KLHL1: variants seen among roughly 807,000 people sequenced by gnomAD.
KLHL1 encodes the protein kelch like family member 1, also known as kelch-like protein 1.
A neutral mutation model predicts 77.7 loss-of-function variants in KLHL1; 47 were observed. That is an observed-to-expected ratio of 0.60 (90% CI 0.48 to 0.77). The LOEUF is 0.77. Ranked by LOEUF, KLHL1 falls within the 30% of genes least tolerant of loss-of-function variation. KLHL1 has a pLI of 0.00. For synonymous variants in KLHL1, 360 were observed against 325.2 expected, an observed-to-expected ratio of 1.11 and a Z score of -1.15; for missense variants, 925 against 910.8, an observed-to-expected ratio of 1.02 and a Z score of -0.20.
At chr13:69,789,932 G>T (rs1323783917) in intron 7 of KLHL1, among the ~76,000 whole-genome samples, 1 of 152,050 alleles carries the variant, frequency 6.6e-6, no homozygotes, top group Non-Finnish European at 1.5e-5. Context: ...TCTAGAGTAG[G>T]TAGAGGCAGA....
At chr13:69,827,623 G>A (rs1258604765) in intron 6 of KLHL1, among the ~76,000 whole-genome samples, 5 of 151,602 alleles carry the variant, frequency 3.3e-5, no homozygotes, top group East Asian at 2.0e-4. Context: ...CCAGCTACTC[G>A]GGAGGCTGAG....
chr13:69,796,451 C>T (rs1332957089), intron 7 of KLHL1, among the ~76,000 whole-genome samples: 1 of 152,098 alleles, frequency 6.6e-6, no homozygotes, highest in Non-Finnish European at 1.5e-5. Flanking sequence ...GAGCCTGACA[C>T]CTGCTCCTGT....
intron 7 of KLHL1, among the ~76,000 whole-genome samples, chr13:69,793,281 T>A (rs980492485): frequency 2.7e-4 from 41 of 152,054 alleles, no homozygotes; most frequent in African/African-American, 9.9e-4. Flanking sequence ...AGTGATAAAA[T>A]AAAAATTTGT....
chr13:69,701,875 T>C, intron 10 of KLHL1, 114 bp from the exon 11 acceptor site: 1 of 763,008 alleles, frequency 1.3e-6, no homozygotes, highest in Non-Finnish European at 2.0e-6. Flanking sequence ...TGTTTTCCCA[T>C]TTTAGCCAGA....
At chr13:69,922,005 T>C (rs1183978795) in intron 4 of KLHL1, among the ~76,000 whole-genome samples, 2 of 151,230 alleles carry the variant, frequency 1.3e-5, no homozygotes, top group Admixed American at 1.3e-4. Context: ...CATACCTCAC[T>C]GTAGCCTTGA....
chr13:69,941,200 C>T lies in KLHL1; in HGVS notation c.818-964G>A, dbSNP rs2482571. ...CACAGGGAACATTCTCCAAGATAGA[C>T]CAGGAACAAGTCTCAATCAATTTAA... is the stretch of plus-strand genomic sequence containing the variant. On this transcript the variant is annotated intron_variant, in intron 3 of 10. Transcript: ENST00000377844. Among the ~76,000 whole-genome samples the T allele has an allele frequency of 6.5e-3, 993 of 152,008 alleles. 15 individuals carry two copies. Among genetic ancestry groups the T allele is most frequent in the African/African-American group, 0.023 (947 of 41,482 alleles).
chr13:70,015,764 T>A (rs1007951014), intron 1 of KLHL1, among the ~76,000 whole-genome samples: 1 of 152,214 alleles, frequency 6.6e-6, no homozygotes, highest in Admixed American at 6.5e-5. Flanking sequence ...TTTCAACTTA[T>A]GATATTTCAA....
At chr13:70,094,967 C>T (rs185079269) in intron 1 of KLHL1, among the ~76,000 whole-genome samples, 24 of 152,242 alleles carry the variant, frequency 1.6e-4, no homozygotes, top group African/African-American at 5.1e-4. Context: ...ATCTTCTATA[C>T]CCAGTCCCCA....
At chr13:69,733,056 A>C (rs1217885513) in intron 8 of KLHL1, among the ~76,000 whole-genome samples, 1 of 152,102 alleles carries the variant, frequency 6.6e-6, no homozygotes, top group African/African-American at 2.4e-5. Context: ...TTAACTAGTA[A>C]GTTTTTTTAC....
intron 6 of KLHL1, among the ~76,000 whole-genome samples, chr13:69,816,621 C>T (rs867208160): frequency 6.6e-6 from 1 of 151,992 alleles, no homozygotes; most frequent in South Asian, 2.1e-4. Flanking sequence ...TATTTCTTAG[C>T]GCTATAATTA....
intron 5 of KLHL1, among the ~76,000 whole-genome samples, chr13:69,862,541 G>A (rs1880213472): frequency 6.6e-6 from 1 of 152,104 alleles, no homozygotes; most frequent in Non-Finnish European, 1.5e-5. Context: ...TAAAGTAAGT[G>A]TAAGGCAAAT....
intron 1 of KLHL1, among the ~76,000 whole-genome samples, chr13:70,090,107 G>A (rs575905471): frequency 6.6e-6 from 1 of 152,138 alleles, no homozygotes; most frequent in Non-Finnish European, 1.5e-5. Flanking sequence ...TTCTAAATAA[G>A]AACTTACTGA....
At chr13:69,707,822 A>G in intron 9 of KLHL1, 26 bp from the exon 10 acceptor site, 1 of 1,568,820 alleles carries the variant, frequency 6.4e-7, no homozygotes, top group Non-Finnish European at 8.7e-7. Flanking sequence ...AATAGTACAT[A>G]ACATATTCTA....
intron 7 of KLHL1, among the ~76,000 whole-genome samples, chr13:69,786,154 G>T (rs373415280): frequency 9.2e-5 from 14 of 152,168 alleles, no homozygotes; most frequent in African/African-American, 1.4e-4. Context: ...CTAACTCATT[G>T]TATGAGGCCA....
intron 7 of KLHL1, 42 bp from the exon 8 acceptor site, chr13:69,740,598 T>A (rs1164872944): frequency 6.9e-7 from 1 of 1,456,000 alleles, no homozygotes; most frequent in Non-Finnish European, 9.4e-7. Context: ...ATAGTTAATA[T>A]CATATTGTAC....
chr13:69,824,765 T>C (rs898513890), intron 6 of KLHL1, among the ~76,000 whole-genome samples: 2 of 152,208 alleles, frequency 1.3e-5, no homozygotes, highest in African/African-American at 4.8e-5. Flanking sequence ...TGAAATTGAC[T>C]GGGAAGGAAT....
At chr13:69,709,141 A>C (rs1156375027) in intron 9 of KLHL1, among the ~76,000 whole-genome samples, 1 of 151,946 alleles carries the variant, frequency 6.6e-6, no homozygotes, top group East Asian at 1.9e-4. Context: ...CTTGAAACAC[A>C]GGCTGCCCAG....
intron 1 of KLHL1, among the ~76,000 whole-genome samples, chr13:70,006,533 G>T: frequency 7.0e-6 from 1 of 143,860 alleles, no homozygotes. Context: ...AGTTTGAGAA[G>T]GATTTGTATT....
At chr13:70,049,896 C>A (rs1028289904) in intron 1 of KLHL1, among the ~76,000 whole-genome samples, 17 of 151,866 alleles carry the variant, frequency 1.1e-4, no homozygotes, top group African/African-American at 3.4e-4. Flanking sequence ...ATATTGCCAG[C>A]AATCTAGATT....
Sources: allele counts gnomAD v4.1 joint callset (sites outside exome capture counted in the v4.1 genomes callset), GRCh38; gene constraint gnomAD v4.1.1; transcripts MANE v1.5; gene names NCBI Gene and HGNC (gene_info 2026-07-23, HGNC 2026-07-21).